The following CHD9 variants were observed in gnomAD, a reference collection of about 807,000 sequenced individuals.
CHD9 encodes ATP-dependent chromatin remodeler CHD9.
Under a neutral mutation model 316.1 loss-of-function variants are expected in CHD9, and 77 were observed. That is an observed-to-expected ratio of 0.24 (90% confidence interval 0.20 to 0.29). The LOEUF (loss-of-function observed/expected upper bound fraction) is 0.29. CHD9 is among the 10% of genes least tolerant of loss of function. CHD9 has a pLI of 1.00. For synonymous variants in CHD9, 1,129 were observed against 1,158.3 expected (o/e 0.97, Z 0.51); for missense variants, 2,763 against 3,438.1 (o/e 0.80, Z 4.91).
At chr16:53,244,613 G>C (rs568116413) in intron 13 of CHD9, among the ~76,000 whole-genome samples, 2 of 152,024 alleles carry the variant, frequency 1.3e-5, no homozygotes, top group Non-Finnish European at 2.9e-5. Context: ...GCACTCTTTG[G>C]TATACAAATT....
intron 1 of CHD9, among the ~76,000 whole-genome samples, chr16:53,153,421 C>T (rs908478063): frequency 6.6e-6 from 1 of 152,110 alleles, no homozygotes; most frequent in African/African-American, 2.4e-5. Context: ...GGAAGGAAGG[C>T]AGAGGAAGGA....
chr16:53,133,921 G>A (rs1175743414), intron 1 of CHD9, among the ~76,000 whole-genome samples: 5 of 152,116 alleles, frequency 3.3e-5, no homozygotes, highest in African/African-American at 1.2e-4. Flanking sequence ...AAGAACTGAA[G>A]TAGAAATACA....
At chr16:53,308,640 ATTT>A (rs752123154) in intron 33 of CHD9, 43 bp from the exon 34 acceptor site, 2 of 1,465,878 alleles carry the variant, frequency 1.4e-6, no homozygotes, top group Non-Finnish European at 1.9e-6. Flanking sequence ...CTGCAATAAG[ATTT>A]TTTTTAACAG....
chr16:53,239,510 T>C (rs1232568251), intron 12 of CHD9, among the ~76,000 whole-genome samples: 1 of 152,232 alleles, frequency 6.6e-6, no homozygotes, highest in East Asian at 1.9e-4. Flanking sequence ...AATATTTCAA[T>C]AAAATCAATA....
At chr16:53,316,298 A>G (rs968119477) in intron 36 of CHD9, among the ~76,000 whole-genome samples, 6 of 152,202 alleles carry the variant, frequency 3.9e-5, no homozygotes, top group Non-Finnish European at 8.8e-5. Context: ...TCATTTATTC[A>G]GTTAACAATT....
intron 2 of CHD9, among the ~76,000 whole-genome samples, chr16:53,203,693 T>C (rs2152854923): frequency 6.6e-6 from 1 of 152,214 alleles, no homozygotes; most frequent in South Asian, 2.1e-4. Context: ...ACTAAGGAAT[T>C]ATATCTGGGA....
intron 2 of CHD9, among the ~76,000 whole-genome samples, chr16:53,194,381 C>T (rs1181841543): frequency 6.6e-6 from 1 of 152,044 alleles, no homozygotes; most frequent in Non-Finnish European, 1.5e-5. Context: ...TTGAGACCAG[C>T]CTGGGCAACA....
intron 1 of CHD9, among the ~76,000 whole-genome samples, chr16:53,146,419 G>GTGTATATATA (rs1555492145): frequency 1.2e-4 from 9 of 76,700 alleles, no homozygotes; most frequent in African/African-American, 5.3e-4. Flanking sequence ...GTGTGTGTAT[G>GTGTATATATA]TATATATATA....
chr16:53,131,752 A>C (rs543086528), intron 1 of CHD9, among the ~76,000 whole-genome samples: 1 of 151,712 alleles, frequency 6.6e-6, no homozygotes, highest in East Asian at 1.9e-4. Context: ...GAGTCATGAC[A>C]GGGCGTCCCG....
At chr16:53,301,290 A>T (rs1308305068) in intron 30 of CHD9, among the ~76,000 whole-genome samples, 3 of 152,186 alleles carry the variant, frequency 2.0e-5, no homozygotes, top group Non-Finnish European at 4.4e-5. Context: ...TTAAAAAAAA[A>T]TGTGAGTGAG....
intron 7 of CHD9, 51 bp from the exon 8 acceptor site, chr16:53,228,932 T>G (rs1044989369): frequency 5.8e-6 from 5 of 854,958 alleles, no homozygotes; most frequent in Non-Finnish European, 7.2e-6. Flanking sequence ...AAATACATCT[T>G]AAAATGGTTA....
intron 20 of CHD9, among the ~76,000 whole-genome samples, chr16:53,265,392 A>G (rs1005403497): frequency 2.9e-4 from 44 of 152,078 alleles, no homozygotes; most frequent in Admixed American, 8.5e-4. Context: ...GACATCAAGA[A>G]CCTTTCTTTA....
intron 1 of CHD9, among the ~76,000 whole-genome samples, chr16:53,108,650 A>G (rs536426745): frequency 6.6e-6 from 1 of 152,098 alleles, no homozygotes; most frequent in African/African-American, 2.4e-5. Context: ...CAAGGCGGGC[A>G]GATCACCTGA....
At chr16:53,058,380 A>G (rs2032425773) in intron 1 of CHD9, among the ~76,000 whole-genome samples, 1 of 152,208 alleles carries the variant, frequency 6.6e-6, no homozygotes, top group Admixed American at 6.5e-5. Context: ...TTGGCCTCCA[A>G]AGTGCTAGGA....
chr16:53,156,107 G>C lies in CHD9; in HGVS notation c.18G>C (p.Met6Ile), dbSNP rs767449805. 1.2e-5 allele frequency: 20 copies of C among 1,612,784 alleles called. No individual in the cohort carries two copies. In the South Asian group the frequency reaches 2.0e-4, roughly 16 times the overall value. The change falls in exon 2 of 39, where the codon ATG becomes ATC. Residue 6 changes from methionine to isoleucine, a missense_variant. Met to Ile is a conservative substitution (Grantham distance 10). Around this residue, in one of 15 missense-constraint regions of CHD9, gnomAD observed 859 missense variants for 890.4 expected, o/e 0.96. Coordinates refer to ENST00000447540, the MANE Select transcript of CHD9 (RefSeq NM_001308319.2). ...TTTTCAAGATGACAGATCCAATGAT[G>C]GACTTTTTTGATGATGCCAATCTTT... MTDPM[M>I]DFFDDANLFG...
At chr16:53,308,632 G>A in intron 33 of CHD9, 54 bp from the exon 34 acceptor site, 2 of 1,363,998 alleles carry the variant, frequency 1.5e-6, no homozygotes, top group Non-Finnish European at 1.0e-6. Flanking sequence ...TTAATATCCT[G>A]CAATAAGATT....
chr16:53,261,480 C>A (rs1027031520), intron 19 of CHD9, among the ~76,000 whole-genome samples: 2 of 149,178 alleles, frequency 1.3e-5, no homozygotes, highest in East Asian at 4.0e-4. Context: ...GTCAAGTGAC[C>A]CACCCACCTC....
intron 24 of CHD9, among the ~76,000 whole-genome samples, chr16:53,280,623 G>T (rs548505577): frequency 6.7e-6 from 1 of 150,066 alleles, no homozygotes; most frequent in African/African-American, 2.5e-5. Context: ...CACCACTAAA[G>T]AACTTACTCA....
rs2057498798 is a variant in CHD9 at position 53,325,150 on chromosome 16, G to T, written c.*255G>T. 2 of 308,504 alleles carry T rather than the reference G, an allele frequency of 6.5e-6. No individual in the cohort carries two copies. The highest frequency in any genetic ancestry group is 4.5e-5 in the Admixed American group (1 of 22,276). The allele number at this position is 308,504 out of a possible 1,614,324, so 19.1% of individuals were successfully genotyped here. ...CAAAAGGCATTATAATTTTGTTGGG[G>T]GTTAATTTTATGAAAATTATGCTCA... On this transcript the variant is annotated 3_prime_UTR_variant, in exon 39 of 39. Coordinates refer to ENST00000447540, the MANE Select transcript of CHD9 (RefSeq NM_001308319.2).
Sources: gnomAD v4.1 joint callset for allele counts (sites outside exome capture counted in the v4.1 genomes callset) on GRCh38, gnomAD v4.1.1 for gene constraint, gnomAD v4.1.1 regional missense constraint, MANE v1.5 for transcripts, NCBI Gene and HGNC (gene_info 2026-07-23, HGNC 2026-07-21) for gene names.